Variants in PFKM observed in about 807,000 individuals in gnomAD.
The protein encoded by PFKM is ATP-dependent 6-phosphofructokinase, muscle type.
PFKM carries 58 observed loss-of-function variants against 95.5 expected under a neutral mutation model. That is an observed-to-expected ratio of 0.61 (90% CI 0.49 to 0.76). PFKM has a LOEUF of 0.76. Among genes scored for constraint, PFKM ranks in the 30% least tolerant of loss-of-function variants. The pLI, the probability that PFKM is intolerant of heterozygous loss-of-function variation, is 0.00. For missense variants in PFKM, 678 were observed against 1,005.4 expected (o/e 0.67, Z 4.40); for synonymous variants, 336 against 357.2 (o/e 0.94, Z 0.67).
At chr12:48,111,699 G>A (rs545446908) in intron 3 of PFKM, among the ~76,000 whole-genome samples, 13 of 152,194 alleles carry the variant, frequency 8.5e-5, no homozygotes, top group Non-Finnish European at 1.8e-4. Flanking sequence ...TGAGGAACAG[G>A]AAAGAAGGAA....
At chr12:48,135,823 G>A (rs1006336983) in intron 10 of PFKM, among the ~76,000 whole-genome samples, 2 of 151,970 alleles carry the variant, frequency 1.3e-5, no homozygotes, top group Non-Finnish European at 2.9e-5. Flanking sequence ...TGTTACCACA[G>A]GATATCTCAT....
chr12:48,121,319 A>G (rs60679254), intron 1 of PFKM, among the ~76,000 whole-genome samples: 7,392 of 152,308 alleles, frequency 0.049, 495 homozygotes, highest in African/African-American at 0.15. Flanking sequence ...CAGAGAATCT[A>G]TAGGACCAAC....
intron 3 of PFKM, chr12:48,108,336 CAGAGAGAGAGAGAAAGAG>C (rs1214416225): frequency 1.7e-6 from 1 of 589,430 alleles, no homozygotes; most frequent in East Asian, 3.1e-5. Context: ...GTGTGTGAAA[CAGAGAGAGAGAGAAAGAG>C]AGAGAGAAAG....
intron 1 of PFKM, chr12:48,106,466 C>G: frequency 8.4e-6 from 3 of 357,556 alleles, no homozygotes; most frequent in Non-Finnish European, 1.5e-5. Flanking sequence ...TGTGGCTTCC[C>G]CCGACAGATA....
chr12:48,134,916 AC>A, intron 8 of PFKM, 26 bp from the exon 9 acceptor site: 1 of 1,603,850 alleles, frequency 6.2e-7, no homozygotes, highest in Admixed American at 1.7e-5. Flanking sequence ...CATTCCATGG[AC>A]CATTTTACCC....
intron 2 of PFKM, among the ~76,000 whole-genome samples, chr12:48,126,666 A>C (rs1948873400): frequency 6.6e-6 from 1 of 152,184 alleles, no homozygotes; most frequent in Non-Finnish European, 1.5e-5. Context: ...CCATTTACTC[A>C]GCTTGGGAAC....
At chr12:48,132,781 A>G in intron 4 of PFKM, 87 bp from the exon 5 acceptor site, 1 of 1,135,222 alleles carries the variant, frequency 8.8e-7, no homozygotes, top group Non-Finnish European at 1.3e-6. Context: ...TCACACAGTT[A>G]TGTTAGGCCA....
Position 48,134,577 on chromosome 12 carries a change from G to A in PFKM, c.639-144G>A, listed in dbSNP as rs551922965. Reference sequence around the variant, plus strand: ...AGACAGAATCTCATTGAGGGGCCCCGGTGCTCTTACCCTTGCCCCACGAAT... The same window carrying A: ...AGACAGAATCTCATTGAGGGGCCCCAGTGCTCTTACCCTTGCCCCACGAAT... On this transcript the variant is annotated intron_variant, in intron 7 of 22. Transcript: ENST00000359794. The A allele has an allele frequency of 3.6e-4, 270 of 747,704 alleles. 6 individuals carry two copies. In the Middle Eastern group the frequency reaches 4.7e-3, roughly 13 times the overall value. The allele number at this position is 747,704 out of a possible 1,614,324, so 46.3% of individuals were successfully genotyped here. A position where few individuals can be genotyped will look rare whatever the true frequency, so the allele number is the denominator to read the frequency against.
chr12:48,116,558 A>G (rs1351339148), upstream of PFKM, among the ~76,000 whole-genome samples: 1 of 152,158 alleles, frequency 6.6e-6, no homozygotes, highest in Non-Finnish European at 1.5e-5. Flanking sequence ...GGCTCACTGC[A>G]AGCTCTGCCT....
intron 18 of PFKM, among the ~76,000 whole-genome samples, chr12:48,143,511 C>CT (rs1425695570): frequency 2.6e-5 from 4 of 152,224 alleles, no homozygotes; most frequent in Non-Finnish European, 5.9e-5. Context: ...GGGCTGAACA[C>CT]TGACAGTTAC....
intron 3 of PFKM, 101 bp from the exon 4 acceptor site, chr12:48,131,215 G>A: frequency 1.2e-6 from 1 of 818,494 alleles, no homozygotes; most frequent in South Asian, 1.4e-5. Flanking sequence ...ATGGGAGGAG[G>A]TGGCTTGACT....
At position 48,145,356 on chromosome 12, in the gene PFKM, A is replaced by G. The variant is rs1303866584; in HGVS notation, c.2198+41A>G. ...TCCTGGAGTGGTTCTTTTCCCTGGT[A>G]GTTTCAAGCTCTACTGTCCTCAACC... is the stretch of plus-strand genomic sequence containing the variant. On this transcript the variant is annotated intron_variant, in intron 22 of 22. Coordinates refer to ENST00000359794, the MANE Select transcript of PFKM (RefSeq NM_000289.6). This position sits in a 1 kb window ranked among gnomAD's most constrained non-coding sequence, Gnocchi z 4.3. 21 of 1,512,036 alleles carry G rather than the reference A, an allele frequency of 1.4e-5. No homozygotes were observed. The highest frequency in any genetic ancestry group is 1.9e-5 in the Non-Finnish European group (21 of 1,087,548). The allele number at this position is 1,512,036 out of a possible 1,614,324, so 93.7% of individuals were successfully genotyped here.
chr12:48,127,359 C>G (rs534180566), intron 2 of PFKM, among the ~76,000 whole-genome samples: 1 of 152,266 alleles, frequency 6.6e-6, no homozygotes, highest in African/African-American at 2.4e-5. Context: ...CATGGATACT[C>G]CACAAGAACT....
chr12:48,141,887 C>G, intron 16 of PFKM, 27 bp from the exon 17 acceptor site: 2 of 1,614,072 alleles, frequency 1.2e-6, no homozygotes, highest in South Asian at 1.1e-5. Context: ...TCTCCCCAAT[C>G]CTGCCCTTGT....
chr12:48,113,324 A>G (rs1947373538), intron 3 of PFKM, among the ~76,000 whole-genome samples: 1 of 152,220 alleles, frequency 6.6e-6, no homozygotes, highest in South Asian at 2.1e-4. Context: ...CTTACCCTCC[A>G]CTGTAAGAGT....
At chr12:48,122,928 C>T (rs1258629776) in intron 2 of PFKM, 69 bp downstream of exon 2, 1 of 1,441,292 alleles carries the variant, frequency 6.9e-7, no homozygotes, top group Non-Finnish European at 9.8e-7. Context: ...TTAGCCTATA[C>T]AATAGAATTA....
rs534773615 is a variant in PFKM at position 48,145,978 on chromosome 12, A to T, written c.*270A>T. 2 of 460,500 alleles carry T rather than the reference A, an allele frequency of 4.3e-6. No homozygotes were observed. Among genetic ancestry groups the T allele is most frequent in the South Asian group, 5.8e-5 (2 of 34,708 alleles). The allele number at this position is 460,500 out of a possible 1,614,324, so 28.5% of individuals were successfully genotyped here. A position where few individuals can be genotyped will look rare whatever the true frequency, so the allele number is the denominator to read the frequency against. Reference sequence around the variant, plus strand: ...TGCTACTGCTAGATATCACTTACTCAGTTAGAATTTTCCTAAAAATAAGCT... The same window carrying T: ...TGCTACTGCTAGATATCACTTACTCTGTTAGAATTTTCCTAAAAATAAGCT... On this transcript the variant is annotated 3_prime_UTR_variant, in exon 23 of 23. Coordinates refer to ENST00000359794, the MANE Select transcript of PFKM (RefSeq NM_000289.6). The surrounding 1 kb of genome is among the most constrained non-coding windows in gnomAD (Gnocchi z 4.3).
At chr12:48,111,160 A>G (rs557752298) in intron 3 of PFKM, among the ~76,000 whole-genome samples, 52 of 152,326 alleles carry the variant, frequency 3.4e-4, no homozygotes, top group African/African-American at 1.2e-3. Flanking sequence ...GTGACTCTCA[A>G]GACTACTTCT....
At chr12:48,143,234 T>G (rs1460526896) in intron 18 of PFKM, among the ~76,000 whole-genome samples, 1 of 152,222 alleles carries the variant, frequency 6.6e-6, no homozygotes, top group African/African-American at 2.4e-5. Context: ...AGATACTATC[T>G]CCATATAACA....
Sources: allele counts gnomAD v4.1 joint callset (sites outside exome capture counted in the v4.1 genomes callset), GRCh38; gene constraint gnomAD v4.1.1; non-coding constraint Gnocchi (gnomAD v3.1); transcripts MANE v1.5; gene names NCBI Gene and HGNC (gene_info 2026-07-23, HGNC 2026-07-21).